FOXP1: variants seen among roughly 807,000 people sequenced by gnomAD.
FOXP1 encodes the protein forkhead box P1.
A neutral mutation model predicts 98.2 loss-of-function variants in FOXP1; 15 were observed. The observed-to-expected ratio is 0.15, with a 90% confidence interval of 0.10 to 0.24. The LOEUF is 0.24. Among genes scored for constraint, FOXP1 ranks in the 10% least tolerant of loss-of-function variants. The pLI is 1.00. For synonymous variants in FOXP1, 371 were observed against 314.5 expected (o/e 1.18, Z -1.90); for missense variants, 633 against 848.5 (o/e 0.75, Z 3.15).
chr3:71,344,848 C>T (rs1326261142), intron 4 of FOXP1, among the ~76,000 whole-genome samples: 1 of 147,666 alleles, frequency 6.8e-6, no homozygotes, highest in African/African-American at 2.5e-5. Context: ...AAAAAAAAAT[C>T]ATATTTGGAT....
intron 2 of FOXP1, among the ~76,000 whole-genome samples, chr3:71,561,277 A>C (rs1466230892): frequency 6.6e-6 from 1 of 151,996 alleles, no homozygotes; most frequent in Non-Finnish European, 1.5e-5. Flanking sequence ...GCTGGTCTCG[A>C]ACTCCTGACC....
At chr3:70,965,223 C>T (rs950162931) in intron 20 of FOXP1, among the ~76,000 whole-genome samples, 2 of 152,228 alleles carry the variant, frequency 1.3e-5, no homozygotes, top group African/African-American at 4.8e-5. Context: ...CCATCACCCA[C>T]TCACAGGGGC....
chr3:71,057,345 A>G (rs80204881), intron 7 of FOXP1, among the ~76,000 whole-genome samples: 3,309 of 84,326 alleles, frequency 0.039, 96 homozygotes, highest in Admixed American at 0.15. Context: ...CATGCCTTCT[A>G]CCTTAACCTC....
At chr3:70,990,738 C>T (rs1034425574) in intron 13 of FOXP1, among the ~76,000 whole-genome samples, 1 of 152,138 alleles carries the variant, frequency 6.6e-6, no homozygotes, top group Non-Finnish European at 1.5e-5. Flanking sequence ...GAAATGACAA[C>T]GGCCTAAACA....
intron 6 of FOXP1, among the ~76,000 whole-genome samples, chr3:71,120,152 C>A (rs1406394055): frequency 2.6e-5 from 4 of 152,172 alleles, no homozygotes; most frequent in African/African-American, 9.7e-5. Flanking sequence ...GGGGTAATGA[C>A]CATTCACAGA....
At chr3:71,528,378 T>G (rs776226976) in intron 2 of FOXP1, among the ~76,000 whole-genome samples, 9 of 152,348 alleles carry the variant, frequency 5.9e-5, no homozygotes, top group Non-Finnish European at 1.2e-4. Flanking sequence ...ACTTAACTAA[T>G]TTTAAACGCC....
At chr3:71,211,645 A>C (rs2064474935) in intron 5 of FOXP1, among the ~76,000 whole-genome samples, 4 of 152,226 alleles carry the variant, frequency 2.6e-5, no homozygotes. Context: ...TTAAAATAGA[A>C]AATAGTTCTA....
intron 4 of FOXP1, among the ~76,000 whole-genome samples, chr3:71,344,615 T>C (rs1238762326): frequency 6.6e-6 from 1 of 152,124 alleles, no homozygotes; most frequent in Non-Finnish European, 1.5e-5. Flanking sequence ...GATGGGCAGA[T>C]CACCTGAGGT....
intron 5 of FOXP1, among the ~76,000 whole-genome samples, chr3:71,229,188 G>C (rs2066086719): frequency 6.6e-6 from 1 of 152,022 alleles, no homozygotes; most frequent in Admixed American, 6.5e-5. Flanking sequence ...AGTTTCTCCT[G>C]ACTTCTTGCA....
rs554996239 is a variant in FOXP1 at position 71,327,462 on chromosome 3, A to T, written c.-72-27582T>A. ...GAGTGCAGTGGTGCGATCTCAGCTC[A>T]CTGCAAGCTCCGCCTCCCGGGTTCA... On this transcript the variant is annotated intron_variant, in intron 4 of 20. Coordinates refer to ENST00000649528, the MANE Select transcript of FOXP1 (RefSeq NM_001349338.3). 5.9e-5 allele frequency among the ~76,000 whole-genome samples: 8 copies of T among 136,020 alleles called. No homozygotes were observed. The South Asian group carries it at 1.9e-3, about 33-fold the overall frequency. 89.2% of individuals were successfully genotyped at this position (136,020 alleles called of 152,430 possible).
chr3:70,970,707 T>C, intron 19 of FOXP1, 29 bp downstream of exon 19: 2 of 1,562,368 alleles, frequency 1.3e-6, no homozygotes. Context: ...GTGCCTCTGC[T>C]GCATATTCGG....
At chr3:71,273,570 C>T (rs866003219) in intron 5 of FOXP1, among the ~76,000 whole-genome samples, 2 of 152,176 alleles carry the variant, frequency 1.3e-5, no homozygotes, top group South Asian at 4.1e-4. Context: ...TGCAGTCCTA[C>T]GCCGCCTCCA....
chr3:71,152,668 A>T (rs2060627872), intron 6 of FOXP1, among the ~76,000 whole-genome samples: 1 of 152,094 alleles, frequency 6.6e-6, no homozygotes, highest in Non-Finnish European at 1.5e-5. Flanking sequence ...TGACTCTCTG[A>T]GGCTCTGTTT....
At chr3:71,200,230 A>T (rs1325409797) in intron 5 of FOXP1, among the ~76,000 whole-genome samples, 1 of 152,246 alleles carries the variant, frequency 6.6e-6, no homozygotes, top group Non-Finnish European at 1.5e-5. Context: ...AAAGATGAGA[A>T]AAGACAGATA....
chr3:71,084,813 G>T (rs966574106), intron 7 of FOXP1, among the ~76,000 whole-genome samples: 2 of 152,116 alleles, frequency 1.3e-5, no homozygotes, highest in Admixed American at 6.6e-5. Context: ...TGGGGGAATC[G>T]CTGGAGCCCA....
intron 3 of FOXP1, among the ~76,000 whole-genome samples, chr3:71,475,055 C>T (rs934412764): frequency 6.6e-6 from 1 of 152,090 alleles, no homozygotes; most frequent in Non-Finnish European, 1.5e-5. Context: ...TCATGATTTT[C>T]TCTTCTCCAT....
chr3:71,173,579 A>C (rs1458326491), intron 6 of FOXP1, among the ~76,000 whole-genome samples: 1 of 152,222 alleles, frequency 6.6e-6, no homozygotes, highest in African/African-American at 2.4e-5. Context: ...TACACATTCC[A>C]GTTAGAAATT....
intron 2 of FOXP1, among the ~76,000 whole-genome samples, chr3:71,505,626 C>T (rs1053865177): frequency 1.6e-4 from 24 of 152,040 alleles, no homozygotes; most frequent in African/African-American, 4.8e-4. Context: ...AGGGTTTCAC[C>T]GTGTTAGCCA....
intron 4 of FOXP1, among the ~76,000 whole-genome samples, chr3:71,324,482 T>C (rs1284862350): frequency 6.6e-6 from 1 of 152,036 alleles, no homozygotes; most frequent in Non-Finnish European, 1.5e-5. Context: ...CGGATGAAGG[T>C]GGAAATCATC....
Sources: gnomAD v4.1 joint callset for allele counts (sites outside exome capture counted in the v4.1 genomes callset) on GRCh38, gnomAD v4.1.1 for gene constraint, MANE v1.5 for transcripts, NCBI Gene and HGNC (gene_info 2026-07-23, HGNC 2026-07-21) for gene names.